Variants in STK24 observed in about 807,000 individuals in gnomAD.
STK24 encodes serine/threonine-protein kinase 24.
In STK24, 21 loss-of-function variants were observed where a neutral mutation model predicts 55.6. That is an observed-to-expected ratio of 0.38 (90% CI 0.27 to 0.54). The LOEUF (loss-of-function observed/expected upper bound fraction) is 0.54. STK24 is among the 20% of genes least tolerant of loss of function. The pLI, the probability that STK24 is intolerant of heterozygous loss-of-function variation, is 0.79. For synonymous variants in STK24, 200 were observed against 215.2 expected (o/e 0.93, Z 0.62); for missense variants, 383 against 538.4 (o/e 0.71, Z 2.86).
chr13:98,480,287 C>T (rs1204673920), intron 3 of STK24, among the ~76,000 whole-genome samples: 1 of 152,210 alleles, frequency 6.6e-6, no homozygotes, highest in African/African-American at 2.4e-5. Flanking sequence ...TATGAACACG[C>T]TAAAGCATTC....
chr13:98,447,898 G>A lies in STK24; in HGVS notation c.*5275C>T. ...GGAGAGCTTCCACTAAGCAGGATGGGACACGTCCCGCCATTCTCTGCCATG... is the reference window on the plus strand; with the variant it reads ...GGAGAGCTTCCACTAAGCAGGATGGAACACGTCCCGCCATTCTCTGCCATG... On this transcript the variant is annotated 3_prime_UTR_variant, in exon 11 of 11. Coordinates refer to ENST00000539966, the MANE Select transcript of STK24 (RefSeq NM_001032296.4). 3.0e-6 allele frequency: 1 copy of A among 335,290 alleles called. No homozygotes were observed. The highest frequency in any genetic ancestry group is 5.5e-6 in the Non-Finnish European group (1 of 180,644). 20.8% of individuals were successfully genotyped at this position (335,290 alleles called of 1,614,324 possible).
At chr13:98,478,184 C>T (rs1045422833) in intron 3 of STK24, among the ~76,000 whole-genome samples, 2 of 152,184 alleles carry the variant, frequency 1.3e-5, no homozygotes, top group African/African-American at 4.8e-5. Context: ...CCATGCTCTC[C>T]ATCATTCAGG....
intron 10 of STK24, chr13:98,453,909 C>G (rs1433589188): frequency 6.6e-6 from 1 of 152,206 alleles, no homozygotes; most frequent in Admixed American, 6.5e-5. Context: ...ATGCTTCTGG[C>G]TTTGGATCTG....
chr13:98,534,679 C>A (rs1321732962), intron 1 of STK24, among the ~76,000 whole-genome samples: 1 of 152,150 alleles, frequency 6.6e-6, no homozygotes, highest in Non-Finnish European at 1.5e-5. Context: ...CTAGTGCCAC[C>A]CAGACCGGTA....
chr13:98,563,484 G>C (rs1032198775), intron 1 of STK24, among the ~76,000 whole-genome samples: 2 of 152,190 alleles, frequency 1.3e-5, no homozygotes, highest in Non-Finnish European at 2.9e-5. Flanking sequence ...GCAAATCTCT[G>C]TAACTCCTCT....
rs752298078 is a variant in STK24 at position 98,457,311 on chromosome 13, A to G, written c.1123-7T>C. On this transcript the variant is annotated splice_region_variant and splice_polypyrimidine_tract_variant and intron_variant, in intron 9 of 10. Coordinates refer to ENST00000539966, the MANE Select transcript of STK24 (RefSeq NM_001032296.4). ...CCTGGCTCTTCTCCTTCAACTGAAA[A>G]CACACGAACAGGAAGAATGGCATGA... 12 of 1,613,900 alleles carry G rather than the reference A, an allele frequency of 7.4e-6. No homozygotes were observed. The highest frequency in any genetic ancestry group is 1.7e-4 in the Middle Eastern group (1 of 6,058).
At chr13:98,506,399 T>C (rs924555272) in intron 2 of STK24, among the ~76,000 whole-genome samples, 1 of 152,208 alleles carries the variant, frequency 6.6e-6, no homozygotes, top group South Asian at 2.1e-4. Context: ...CCCAGATTCA[T>C]AGGCAACCGT....
At chr13:98,482,424 GT>G in intron 2 of STK24, 103 bp from the exon 3 acceptor site, 1 of 646,902 alleles carries the variant, frequency 1.5e-6, no homozygotes, top group Admixed American at 3.0e-5. Flanking sequence ...GAACTAGAAA[GT>G]TTTACAAACA....
intron 1 of STK24, among the ~76,000 whole-genome samples, chr13:98,536,147 G>T (rs998765620): frequency 6.6e-6 from 1 of 151,648 alleles, no homozygotes. Flanking sequence ...CCTGCCCACC[G>T]GGGGGAAAAA....
Position 98,447,098 on chromosome 13 carries a change from T to TAAGCC in STK24, c.*6070_*6074dup, listed in dbSNP as rs1892895298. On this transcript the variant is annotated 3_prime_UTR_variant, in exon 11 of 11. Coordinates refer to ENST00000539966, the MANE Select transcript of STK24 (RefSeq NM_001032296.4). Reference sequence around the variant, plus strand: ...CATAACGTGTCCGGGATGATGAAGCTAAGCCCCAGTGAGACTGCCTACATG... The same window carrying TAAGCC: ...CATAACGTGTCCGGGATGATGAAGCTAAGCCAAGCCCCAGTGAGACTGCCTACATG... 2.7e-6 allele frequency: 1 copy of TAAGCC among 375,032 alleles called. No individual in the cohort carries two copies. Among genetic ancestry groups the TAAGCC allele is most frequent in the African/African-American group, 2.0e-5 (1 of 48,982 alleles). The allele number at this position is 375,032 out of a possible 1,614,324, so 23.2% of individuals were successfully genotyped here.
At chr13:98,531,814 A>G (rs1896586757) in intron 1 of STK24, among the ~76,000 whole-genome samples, 2 of 152,042 alleles carry the variant, frequency 1.3e-5, no homozygotes, top group Non-Finnish European at 2.9e-5. Flanking sequence ...CGTCCCCACA[A>G]TGGCCTCTGC....
intron 2 of STK24, among the ~76,000 whole-genome samples, chr13:98,499,380 G>T (rs1267846487): frequency 6.6e-6 from 1 of 152,316 alleles, no homozygotes; most frequent in African/African-American, 2.4e-5. Context: ...TGGGGATGCG[G>T]CACCTGCATT....
At chr13:98,536,744 C>T (rs1240610215) in intron 1 of STK24, among the ~76,000 whole-genome samples, 1 of 152,088 alleles carries the variant, frequency 6.6e-6, no homozygotes, top group Admixed American at 6.6e-5. Flanking sequence ...TCTGGGGTCC[C>T]GGGAGCTGCC....
chr13:98,500,483 C>T (rs1895410524), intron 2 of STK24, among the ~76,000 whole-genome samples: 1 of 152,080 alleles, frequency 6.6e-6, no homozygotes, highest in Admixed American at 6.6e-5. Flanking sequence ...TTAGAGAGTC[C>T]CAAAAGCTCT....
At chr13:98,554,545 C>T (rs1897238609) in intron 1 of STK24, among the ~76,000 whole-genome samples, 2 of 152,098 alleles carry the variant, frequency 1.3e-5, no homozygotes, top group African/African-American at 4.8e-5. Context: ...GCATTTTAGG[C>T]CAGCTGCCAG....
chr13:98,524,722 G>C (rs1896372909), intron 1 of STK24, among the ~76,000 whole-genome samples: 1 of 152,226 alleles, frequency 6.6e-6, no homozygotes, highest in Non-Finnish European at 1.5e-5. Context: ...GGAGAAAAGT[G>C]TCTATGGGGT....
chr13:98,568,537 C>G (rs1241744386), intron 1 of STK24, among the ~76,000 whole-genome samples: 1 of 152,148 alleles, frequency 6.6e-6, no homozygotes, highest in Non-Finnish European at 1.5e-5. Context: ...CAGGCTGCAG[C>G]AGACACAGCC....
chr13:98,563,730 G>A (rs1357931057), intron 1 of STK24, among the ~76,000 whole-genome samples: 1 of 151,942 alleles, frequency 6.6e-6, no homozygotes, highest in East Asian at 1.9e-4. Context: ...CGTGGTGGCG[G>A]GTGCCTATAG....
At chr13:98,483,015 G>GTC (rs1894657469) in intron 2 of STK24, among the ~76,000 whole-genome samples, 1 of 152,186 alleles carries the variant, frequency 6.6e-6, no homozygotes, top group Admixed American at 6.5e-5. Context: ...CTTCCCTGTG[G>GTC]TCTCTCTTCA....
Sources: allele counts gnomAD v4.1 joint callset (sites outside exome capture counted in the v4.1 genomes callset), GRCh38; gene constraint gnomAD v4.1.1; transcripts MANE v1.5; gene names NCBI Gene and HGNC (gene_info 2026-07-23, HGNC 2026-07-21).